Variants in U2SURP observed in about 807,000 individuals in gnomAD.
U2SURP encodes U2 snRNP associated SURP domain containing, also known as U2 snRNP-associated SURP motif-containing protein.
In U2SURP, 9 loss-of-function variants were observed where a neutral mutation model predicts 144.9. The ratio of observed to expected loss-of-function variants is 0.06; its 90% CI spans 0.04 to 0.11. The LOEUF (loss-of-function observed/expected upper bound fraction) is 0.11. Ranked by LOEUF, U2SURP falls within the 10% of genes least tolerant of loss-of-function variation. U2SURP has a pLI of 1.00. For synonymous variants in U2SURP, 408 were observed against 396.8 expected, an observed-to-expected ratio of 1.03 and a Z score of -0.33; for missense variants, 724 against 1,226.7, an observed-to-expected ratio of 0.59 and a Z score of 6.12.
intron 27 of U2SURP, among the ~76,000 whole-genome samples, chr3:143,056,020 A>C (rs528635580): frequency 1.8e-4 from 28 of 152,110 alleles, no homozygotes; most frequent in Admixed American, 1.3e-4. Flanking sequence ...TAAAAATGCA[A>C]ATTCTTAGTT....
At chr3:143,052,011 G>A (rs1456227314) in intron 25 of U2SURP, among the ~76,000 whole-genome samples, 1 of 152,132 alleles carries the variant, frequency 6.6e-6, no homozygotes, top group Non-Finnish European at 1.5e-5. Context: ...CAGATCACCA[G>A]AGGGAGTCAG....
chr3:143,020,104 A>T, intron 7 of U2SURP, 68 bp downstream of exon 7: 1 of 961,332 alleles, frequency 1.0e-6, no homozygotes, highest in Non-Finnish European at 1.5e-6. Context: ...AGATGCAAGT[A>T]TAAAGAATAT....
chr3:143,033,599 T>C (rs1933632527), intron 18 of U2SURP, among the ~76,000 whole-genome samples: 1 of 152,190 alleles, frequency 6.6e-6, no homozygotes. Context: ...GTATGAAAAC[T>C]CTACATAGCA....
At position 143,043,101 on chromosome 3, in the gene U2SURP, C is replaced by T. The variant is rs1253903190; in HGVS notation, c.2385-16C>T. The T allele has an allele frequency of 6.3e-7, 1 of 1,591,976 alleles. No homozygotes were observed. The highest frequency in any genetic ancestry group is 1.1e-5 in the South Asian group (1 of 87,452). On this transcript the variant is annotated splice_polypyrimidine_tract_variant and intron_variant, in intron 23 of 27. Transcript: ENST00000473835. ...TTGCTGCCTTGACATACAATGTATT[C>T]TGCTTGTTTCTAAAGTCAAGAAGAA...
At chr3:143,033,401 A>G (rs927538640) in intron 18 of U2SURP, 51 bp downstream of exon 18, 11 of 998,986 alleles carry the variant, frequency 1.1e-5, no homozygotes, top group Non-Finnish European at 1.6e-5. Context: ...TTTAAGGGTA[A>G]GGAGTTCAGA....
At chr3:143,007,540 C>T (rs1456599891) in intron 1 of U2SURP, among the ~76,000 whole-genome samples, 1 of 149,334 alleles carries the variant, frequency 6.7e-6, no homozygotes, top group Non-Finnish European at 1.5e-5. Flanking sequence ...CTCCCGGGTT[C>T]ACGTCATTCT....
chr3:143,053,629 A>C, intron 25 of U2SURP, 47 bp from the exon 26 acceptor site: 1 of 1,101,642 alleles, frequency 9.1e-7, no homozygotes, highest in Non-Finnish European at 1.3e-6. Context: ...AGATTAACCC[A>C]CATTGATATT....
intron 19 of U2SURP, among the ~76,000 whole-genome samples, chr3:143,035,234 C>A (rs1239635431): frequency 6.6e-6 from 1 of 151,838 alleles, no homozygotes. Context: ...ATAAAACATA[C>A]AGAAGAATCA....
At chr3:143,014,491 C>G (rs1327841189) in intron 4 of U2SURP, 82 bp downstream of exon 4, 3 of 918,398 alleles carry the variant, frequency 3.3e-6, no homozygotes, top group Non-Finnish European at 4.8e-6. Flanking sequence ...GGAATGTTTC[C>G]CGAAGATTCT....
rs748707167 is a variant in U2SURP, at chr3:143,054,966, C to T, written c.2798C>T (p.Pro933Leu). 2.5e-6 allele frequency: 4 copies of T among 1,608,834 alleles called. No homozygotes were observed. The highest frequency in any genetic ancestry group is 2.5e-6 in the Non-Finnish European group (3 of 1,177,994). Residue 933 changes from proline (P) to leucine (L), a missense_variant, in exon 27 of 28, where the codon CCC becomes CTC. Transcript: ENST00000473835. Reference sequence around the variant, plus strand: ...AGGAAGAGGCGACACAGTACATCCCCCAGCCCATCTCGCAGTAGCAGTGGT... The same window carrying T: ...AGGAAGAGGCGACACAGTACATCCCTCAGCCCATCTCGCAGTAGCAGTGGT... ...KERKRRHSTS[P>L]SPSRSSSGRR...
chr3:143,013,285 T>C (rs764496003), intron 3 of U2SURP, among the ~76,000 whole-genome samples: 3 of 152,102 alleles, frequency 2.0e-5, no homozygotes, highest in Non-Finnish European at 2.9e-5. Context: ...AGAGACTGAA[T>C]GATGGCAAAA....
In U2SURP at chr3:143,010,765, G is replaced by A. The variant is rs756147160; in HGVS notation, c.46-50G>A. 5 of 1,400,158 alleles carry A rather than the reference G, an allele frequency of 3.6e-6. No homozygotes were observed. In the East Asian group the frequency reaches 1.2e-4, roughly 33 times the overall value. 86.7% of individuals were successfully genotyped at this position (1,400,158 alleles called of 1,614,324 possible). A position where few individuals can be genotyped will look rare whatever the true frequency, so the allele number is the denominator to read the frequency against. ...TTGTATAACACGAGAGACATGTTTT[G>A]TTAGTATAAGACATTTTAAATTATT... On this transcript the variant is annotated intron_variant, in intron 1 of 27. Coordinates refer to ENST00000473835, the MANE Select transcript of U2SURP (RefSeq NM_001080415.2).
At chr3:143,050,729 G>C (rs1010793251) in intron 24 of U2SURP, among the ~76,000 whole-genome samples, 1 of 152,110 alleles carries the variant, frequency 6.6e-6, no homozygotes, top group African/African-American at 2.4e-5. Flanking sequence ...CACGGTTCAC[G>C]GTTTTTGAGT....
chr3:143,034,830 TA>T, intron 18 of U2SURP, 57 bp from the exon 19 acceptor site: 2 of 1,185,320 alleles, frequency 1.7e-6, no homozygotes, highest in Non-Finnish European at 1.2e-6. Flanking sequence ...GCTGGCATGC[TA>T]AAAGGGAAAG....
At chr3:143,015,327 T>G (rs1344687342) in intron 4 of U2SURP, among the ~76,000 whole-genome samples, 1 of 152,136 alleles carries the variant, frequency 6.6e-6, no homozygotes, top group Non-Finnish European at 1.5e-5. Context: ...CAATTTTTTT[T>G]CTCACTTTGT....
chr3:143,014,109 G>T (rs1305704472), intron 3 of U2SURP, among the ~76,000 whole-genome samples: 1 of 151,100 alleles, frequency 6.6e-6, no homozygotes, highest in Non-Finnish European at 1.5e-5. Flanking sequence ...GCTAGTAAAT[G>T]AAGACATTCT....
intron 10 of U2SURP, among the ~76,000 whole-genome samples, chr3:143,022,030 C>T (rs1171153562): frequency 6.6e-6 from 1 of 152,098 alleles, no homozygotes; most frequent in Non-Finnish European, 1.5e-5. Context: ...TATACTGTTA[C>T]CTGTTTTCTC....
rs1935303326 is a variant in U2SURP at position 143,059,825 on chromosome 3, G to C, written c.*3375G>C. 1 of 152,254 alleles carries C rather than the reference G, an allele frequency of 6.6e-6. No homozygotes were observed. Among genetic ancestry groups the C allele is most frequent in the Non-Finnish European group, 1.5e-5 (1 of 67,840 alleles). 9.4% of individuals were successfully genotyped at this position (152,254 alleles called of 1,614,324 possible). On this transcript the variant is annotated 3_prime_UTR_variant, in exon 28 of 28. Transcript: ENST00000473835. ...TACTAGTATAAGTTTAAAGGAACAC[G>C]TGACTGTAAAATCTCACATTTACAA...
Position 143,043,230 on chromosome 3 carries a change from A to G in U2SURP, c.2498A>G (p.Tyr833Cys). 2 of 1,604,872 alleles carry G rather than the reference A, an allele frequency of 1.2e-6. No individual in the cohort carries two copies. Among genetic ancestry groups the G allele is most frequent in the South Asian group, 1.1e-5 (1 of 89,258 alleles). Reference sequence around the variant, plus strand: ...ATGACTGAGTCTAAGTTCTCTAAGTACTCTGAAATGAGTGAGGAAAAACGA... The same window carrying G: ...ATGACTGAGTCTAAGTTCTCTAAGTGCTCTGAAATGAGTGAGGAAAAACGA... ...EEMTESKFSKYSEMSEEKRAK... is the reference protein window; with the variant it reads ...EEMTESKFSKCSEMSEEKRAK... The change falls in exon 24 of 28, where the codon TAC (tyrosine) becomes TGC (cysteine). Residue 833 changes from tyrosine to cysteine, a missense_variant. Physicochemically the swap from Tyr to Cys is radical, Grantham distance 194. This residue lies in a region of U2SURP where 18 missense variants were observed against 48.8 expected (regional missense o/e 0.37). Coordinates refer to ENST00000473835, the MANE Select transcript of U2SURP (RefSeq NM_001080415.2).
Sources: allele counts gnomAD v4.1 joint callset (sites outside exome capture counted in the v4.1 genomes callset), GRCh38; gene constraint gnomAD v4.1.1; regional missense constraint gnomAD v4.1.1; transcripts MANE v1.5; gene names NCBI Gene and HGNC (gene_info 2026-07-23, HGNC 2026-07-21).